The following DDX24 variants were observed in gnomAD, a reference collection of about 807,000 sequenced individuals.
The protein encoded by DDX24 is DEAD-box helicase 24, also known as ATP-dependent RNA helicase DDX24.
In DDX24, 24 loss-of-function variants were observed where a neutral mutation model predicts 68.9. The observed-to-expected ratio is 0.35, with a 90% confidence interval of 0.25 to 0.49. The LOEUF is 0.49. DDX24 is among the 20% of genes least tolerant of loss of function. The probability of loss-of-function intolerance (pLI) is 0.99; values close to 1 mark genes in which losing one functional copy is unlikely to be tolerated. For synonymous variants in DDX24, 395 were observed against 385.2 expected, an observed-to-expected ratio of 1.03 and a Z score of -0.30; for missense variants, 989 against 1,039.0, an observed-to-expected ratio of 0.95 and a Z score of 0.66.
At position 94,079,498 on chromosome 14, in the gene DDX24, G is replaced by A. The variant is rs763434985; in HGVS notation, c.245C>T (p.Ser82Leu). 1.9e-6 allele frequency: 3 copies of A among 1,614,036 alleles called. No homozygotes were observed. The Admixed American group carries it at 5.0e-5, about 27-fold the overall frequency. ...EAPKRKAQAV[S>L]EEEEEEEGKS... ...TCCCTCCTCCTCCTCCTCTTCTTCT[G>A]AAACAGCTTGTGCCTTTCTCTTGGG... The change falls in exon 2 of 9, where the codon TCA becomes TTA. Residue 82 changes from serine to leucine, a missense_variant. Transcript: ENST00000621632.
intron 2 of DDX24, among the ~76,000 whole-genome samples, chr14:94,078,504 C>T (rs1333335959): frequency 2.0e-5 from 3 of 152,194 alleles, no homozygotes; most frequent in Admixed American, 2.0e-4. Context: ...TGACTACCCA[C>T]CACACTCAAA....
At chr14:94,056,565 T>C (rs1162108523) in intron 6 of DDX24, 1 of 151,988 alleles carries the variant, frequency 6.6e-6, no homozygotes, top group African/African-American at 2.4e-5. Context: ...TCCCCATCTA[T>C]ATTCTTTGTA....
At chr14:94,062,809 G>A (rs1056536541) in intron 2 of DDX24, among the ~76,000 whole-genome samples, 188 bp from the exon 3 acceptor site, 11 of 152,116 alleles carry the variant, frequency 7.2e-5, no homozygotes, top group Non-Finnish European at 1.5e-4. Flanking sequence ...TAGAACCCGA[G>A]GAAAAGTATG....
chr14:94,065,533 G>A (rs1885685650), intron 2 of DDX24, among the ~76,000 whole-genome samples: 1 of 152,222 alleles, frequency 6.6e-6, no homozygotes, highest in East Asian at 1.9e-4. Context: ...TGCAACTCCT[G>A]AAAGAGCAGC....
At chr14:94,076,838 T>A (rs1885951369) in intron 2 of DDX24, among the ~76,000 whole-genome samples, 1 of 152,130 alleles carries the variant, frequency 6.6e-6, no homozygotes, top group African/African-American at 2.4e-5. Flanking sequence ...GATATACAGT[T>A]GACCCTTTAA....
chr14:94,077,801 C>T (rs995788834), intron 2 of DDX24, among the ~76,000 whole-genome samples: 1 of 151,288 alleles, frequency 6.6e-6, no homozygotes, highest in African/African-American at 2.4e-5. Context: ...CTACTGAACA[C>T]TTAAAATGTA....
At chr14:94,055,399 T>C (rs538658289) in intron 6 of DDX24, 1 of 556,598 alleles carries the variant, frequency 1.8e-6, no homozygotes, top group East Asian at 2.8e-5. Context: ...TTCCCTCCCA[T>C]GCCCCTGACC....
At chr14:94,076,359 T>C (rs1869535367) in intron 2 of DDX24, among the ~76,000 whole-genome samples, 1 of 152,156 alleles carries the variant, frequency 6.6e-6, no homozygotes, top group African/African-American at 2.4e-5. Flanking sequence ...CCAGTACATA[T>C]TATATGATTT....
At chr14:94,071,861 C>T (rs913983351) in intron 2 of DDX24, among the ~76,000 whole-genome samples, 4 of 152,114 alleles carry the variant, frequency 2.6e-5, no homozygotes, top group African/African-American at 9.7e-5. Context: ...AGGAGAATCA[C>T]TTGAACCCGG....
In DDX24 at chr14:94,057,916, G is replaced by C. The variant is rs1470284907; in HGVS notation, c.1914-19C>G. 6.2e-7 allele frequency: 1 copy of C among 1,609,756 alleles called. No homozygotes were observed. Among genetic ancestry groups the C allele is most frequent in the African/African-American group, 1.3e-5 (1 of 74,692 alleles). ...AACACAGCTGGGGTAGAGAGAGAAAGCTTATTAATAATAACTAACAGCTAT... is the reference window on the plus strand; with the variant it reads ...AACACAGCTGGGGTAGAGAGAGAAACCTTATTAATAATAACTAACAGCTAT... On this transcript the variant is annotated intron_variant, in intron 5 of 8. Transcript: ENST00000621632.
At chr14:94,060,785 A>T in intron 4 of DDX24, 128 bp downstream of exon 4, 1 of 1,483,946 alleles carries the variant, frequency 6.7e-7, no homozygotes, top group Non-Finnish European at 9.0e-7. Context: ...GGCTTTCTAA[A>T]GGCCAGGGTC....
At chr14:94,065,090 G>A (rs970796860) in intron 2 of DDX24, among the ~76,000 whole-genome samples, 3 of 149,000 alleles carry the variant, frequency 2.0e-5, no homozygotes, top group African/African-American at 7.5e-5. Context: ...TTGCTCTGTC[G>A]CCAGGCTGGA....
At chr14:94,076,057 T>G (rs1335912412) in intron 2 of DDX24, among the ~76,000 whole-genome samples, 1 of 152,192 alleles carries the variant, frequency 6.6e-6, no homozygotes, top group Non-Finnish European at 1.5e-5. Context: ...TTTGGAAAAC[T>G]CTTTAAAAGT....
In DDX24 at chr14:94,055,047, A is replaced by G; in HGVS notation, c.2127T>C (p.Asp709=). The G allele has an allele frequency of 1.2e-6, 2 of 1,614,196 alleles. No homozygotes were observed. The highest frequency in any genetic ancestry group is 1.7e-6 in the Non-Finnish European group (2 of 1,180,028). ...GCACGGGGAACAGTGGGATATCCTC[A>G]TCTTTCTTGAGCGTTTTGTAAATCT... ...FKKIYKTLKK[D]EDIPLFPVQT... is the part of the protein sequence containing the mutation. The change falls in exon 7 of 9, where the codon GAT becomes GAC. Residue 709 remains aspartate (D), a synonymous_variant. Transcript: ENST00000621632.
chr14:94,052,950 A>T (rs1885416385), intron 8 of DDX24, 48 bp downstream of exon 8: 1 of 1,577,044 alleles, frequency 6.3e-7, no homozygotes, highest in Admixed American at 1.9e-5. Context: ...AGCAAAAGTT[A>T]AAGAGAGATT....
At chr14:94,057,788 A>C in intron 6 of DDX24, 34 bp downstream of exon 6, 1 of 1,605,854 alleles carries the variant, frequency 6.2e-7, no homozygotes, top group Admixed American at 1.7e-5. Flanking sequence ...CATTCAGTGC[A>C]GGCAGATGCC....
chr14:94,076,356 ATAT>A (rs1885939542), intron 2 of DDX24, among the ~76,000 whole-genome samples: 1 of 152,176 alleles, frequency 6.6e-6, no homozygotes, highest in Non-Finnish European at 1.5e-5. Context: ...CCTCCAGTAC[ATAT>A]TATATGATTT....
Position 94,055,064 on chromosome 14 carries a change from T to G in DDX24, c.2110A>C (p.Lys704Gln). ...EDVINFKKIY[K>Q]TLKKDEDIPL... The stretch of plus-strand genomic sequence containing the variant: ...ATATCCTCATCTTTCTTGAGCGTTT[T>G]GTAAATCTTCTTAAAGTTGATCACA... Residue 704 changes from lysine (K) to glutamine (Q), a missense_variant, in exon 7 of 9, where the codon AAA becomes CAA. Transcript: ENST00000621632. The G allele has an allele frequency of 6.2e-6, 10 of 1,614,228 alleles. No homozygotes were observed. Among genetic ancestry groups the G allele is most frequent in the Non-Finnish European group, 8.5e-6 (10 of 1,180,022 alleles).
chr14:94,053,862 CTT>C (rs1468626080), intron 7 of DDX24, among the ~76,000 whole-genome samples: 3 of 152,090 alleles, frequency 2.0e-5, no homozygotes, highest in African/African-American at 4.8e-5. Context: ...ATAAAAAGCT[CTT>C]GAGATCAGTG....
Sources: allele counts gnomAD v4.1 joint callset (sites outside exome capture counted in the v4.1 genomes callset), GRCh38; gene constraint gnomAD v4.1.1; transcripts MANE v1.5; gene names NCBI Gene and HGNC (gene_info 2026-07-23, HGNC 2026-07-21).